Variants in ATP8A2 observed in about 807,000 individuals in gnomAD.
ATP8A2 encodes phospholipid-transporting ATPase IB.
A neutral mutation model predicts 165.6 loss-of-function variants in ATP8A2; 100 were observed. The observed-to-expected ratio is 0.60, with a 90% CI of 0.51 to 0.71. The LOEUF (loss-of-function observed/expected upper bound fraction) is 0.71. Among genes scored for constraint, ATP8A2 ranks in the 30% least tolerant of loss-of-function variants. ATP8A2 has a pLI of 0.00. For missense variants in ATP8A2, 1,227 were observed against 1,479.5 expected (o/e 0.83, Z 2.80); for synonymous variants, 543 against 548.8 (o/e 0.99, Z 0.15).
In ATP8A2 at chr13:25,530,104, G is replaced by A. The variant is rs781491812; in HGVS notation, c.321+6G>A. 8 of 1,557,138 alleles carry A rather than the reference G, an allele frequency of 5.1e-6. No homozygotes were observed. Among genetic ancestry groups the A allele is most frequent in the Admixed American group, 1.7e-5 (1 of 58,532 alleles). On this transcript the variant is annotated splice_donor_region_variant and intron_variant, in intron 3 of 36. Coordinates refer to ENST00000381655, the MANE Select transcript of ATP8A2 (RefSeq NM_016529.6). ...TCTTCATTGCCTTATTACAGGTAAT[G>A]GTTTTTTAACAGTTCCTTGGAATTC...
intron 2 of ATP8A2, among the ~76,000 whole-genome samples, chr13:25,504,757 A>AT (rs1324828706): frequency 2.0e-5 from 3 of 151,048 alleles, no homozygotes; most frequent in Non-Finnish European, 4.4e-5. Context: ...AAAAAAAAAA[A>AT]AAAAAAAAAA....
At chr13:25,978,814 C>G (rs2139247338) in intron 35 of ATP8A2, among the ~76,000 whole-genome samples, 1 of 152,254 alleles carries the variant, frequency 6.6e-6, no homozygotes, top group East Asian at 1.9e-4. Flanking sequence ...GTGGCGGGCG[C>G]CTGTAGTCCC....
intron 36 of ATP8A2, among the ~76,000 whole-genome samples, chr13:26,013,861 C>G (rs921135172): frequency 2.0e-5 from 3 of 152,182 alleles, no homozygotes; most frequent in African/African-American, 7.2e-5. Context: ...TAATCTACCC[C>G]CTGTCCTCAC....
intron 33 of ATP8A2, among the ~76,000 whole-genome samples, chr13:25,941,841 C>T (rs1272565675): frequency 6.6e-6 from 1 of 152,106 alleles, no homozygotes; most frequent in Admixed American, 6.5e-5. Flanking sequence ...TATTAACATG[C>T]CATTTGCTTC....
At chr13:25,532,339 CT>C in intron 5 of ATP8A2, 22 bp downstream of exon 5, 19 of 1,588,566 alleles carry the variant, frequency 1.2e-5, no homozygotes, top group Admixed American at 1.7e-5. Flanking sequence ...GGCTGAAGGA[CT>C]TTTTCCACTG....
intron 24 of ATP8A2, among the ~76,000 whole-genome samples, chr13:25,648,554 C>T (rs749586980): frequency 6.6e-6 from 1 of 152,104 alleles, no homozygotes; most frequent in Non-Finnish European, 1.5e-5. Flanking sequence ...GTCTCAACTA[C>T]TTGGGAGTCT....
intron 25 of ATP8A2, among the ~76,000 whole-genome samples, chr13:25,715,496 A>G (rs1415177253): frequency 2.0e-5 from 3 of 152,122 alleles, no homozygotes; most frequent in Admixed American, 6.5e-5. Flanking sequence ...GTCATTCCCA[A>G]TGTCTCTCCA....
At chr13:25,432,255 G>A (rs960187856) in intron 1 of ATP8A2, among the ~76,000 whole-genome samples, 1 of 152,178 alleles carries the variant, frequency 6.6e-6, no homozygotes, top group Admixed American at 6.5e-5. Flanking sequence ...CAGGAGCCAG[G>A]GCAGAGGCAG....
chr13:25,431,045 G>A (rs1038309773), intron 1 of ATP8A2, among the ~76,000 whole-genome samples: 1 of 152,130 alleles, frequency 6.6e-6, no homozygotes, highest in East Asian at 1.9e-4. Context: ...CATAATGGGT[G>A]TGTGCATATG....
At position 26,020,088 on chromosome 13, in the gene ATP8A2, C is replaced by A; in HGVS notation, c.*103C>A. 1 of 810,664 alleles carries A rather than the reference C, an allele frequency of 1.2e-6. No individual in the cohort carries two copies. Among genetic ancestry groups the A allele is most frequent in the Non-Finnish European group, 2.0e-6 (1 of 490,334 alleles). The allele number at this position is 810,664 out of a possible 1,614,324, so 50.2% of individuals were successfully genotyped here. A position where few individuals can be genotyped will look rare whatever the true frequency, so the allele number is the denominator to read the frequency against. ...AGACTGGCGTCAGCAGCCAAAACAC[C>A]AGGAAACACATTTCTGTGGCCTTAG... On this transcript the variant is annotated 3_prime_UTR_variant, in exon 37 of 37. Transcript: ENST00000381655.
chr13:25,614,276 G>T (rs1419785334), intron 24 of ATP8A2, among the ~76,000 whole-genome samples: 1 of 152,080 alleles, frequency 6.6e-6, no homozygotes, highest in East Asian at 1.9e-4. Context: ...AAGCTCTGAA[G>T]TTCTTTTGTC....
At chr13:25,914,154 T>A (rs1010629351) in intron 33 of ATP8A2, among the ~76,000 whole-genome samples, 1 of 152,216 alleles carries the variant, frequency 6.6e-6, no homozygotes, top group African/African-American at 2.4e-5. Context: ...TCTTTCCATC[T>A]CATTTGCCAG....
At chr13:25,518,579 A>G (rs2037555457) in intron 2 of ATP8A2, among the ~76,000 whole-genome samples, 1 of 152,110 alleles carries the variant, frequency 6.6e-6, no homozygotes. Context: ...GGGAAGTTAC[A>G]CTTTGAGCAG....
At chr13:25,495,746 C>T (rs1234636524) in intron 2 of ATP8A2, among the ~76,000 whole-genome samples, 2 of 149,544 alleles carry the variant, frequency 1.3e-5, no homozygotes, top group African/African-American at 2.5e-5. Flanking sequence ...GGATTACAGA[C>T]ATGAGCCACT....
In ATP8A2 at chr13:26,021,079, G is replaced by A. The variant is rs770076327; in HGVS notation, c.*1094G>A. The A allele has an allele frequency of 6.6e-6, 1 of 152,280 alleles. No individual in the cohort carries two copies. Among genetic ancestry groups the A allele is most frequent in the Non-Finnish European group, 1.5e-5 (1 of 68,074 alleles). 9.4% of individuals were successfully genotyped at this position (152,280 alleles called of 1,614,324 possible). A position where few individuals can be genotyped will look rare whatever the true frequency, so the allele number is the denominator to read the frequency against. ...TGGGAAATGAATGAATTTATAACAT[G>A]CCTGCACAGCGAAGGAACACACCTG... On this transcript the variant is annotated 3_prime_UTR_variant, in exon 37 of 37. Coordinates refer to ENST00000381655, the MANE Select transcript of ATP8A2 (RefSeq NM_016529.6).
chr13:25,716,749 G>A (rs984917384), intron 25 of ATP8A2, among the ~76,000 whole-genome samples: 4 of 152,134 alleles, frequency 2.6e-5, no homozygotes, highest in Non-Finnish European at 5.9e-5. Flanking sequence ...CTGGAACTAT[G>A]ATCATAAACA....
intron 33 of ATP8A2, among the ~76,000 whole-genome samples, chr13:25,897,167 G>A (rs893499969): frequency 3.9e-5 from 6 of 152,196 alleles, no homozygotes; most frequent in African/African-American, 1.4e-4. Context: ...TGCAGTGGCT[G>A]GTACTGGTTG....
intron 1 of ATP8A2, among the ~76,000 whole-genome samples, chr13:25,439,863 T>C (rs2034883871): frequency 6.6e-6 from 1 of 151,674 alleles, no homozygotes; most frequent in Non-Finnish European, 1.5e-5. Context: ...GCTATGATTG[T>C]GCCACTGCAC....
At chr13:25,770,192 C>T (rs560144846) in intron 26 of ATP8A2, among the ~76,000 whole-genome samples, 1 of 152,256 alleles carries the variant, frequency 6.6e-6, no homozygotes, top group South Asian at 2.1e-4. Context: ...GACCTCCTTG[C>T]CTGGGGACTA....
Sources: gnomAD v4.1 joint callset for allele counts (sites outside exome capture counted in the v4.1 genomes callset) on GRCh38, gnomAD v4.1.1 for gene constraint, MANE v1.5 for transcripts, NCBI Gene and HGNC (gene_info 2026-07-23, HGNC 2026-07-21) for gene names.